OGDHL: variants seen among roughly 807,000 people sequenced by gnomAD.
The protein encoded by OGDHL is oxoglutarate dehydrogenase L, also known as 2-oxoglutarate dehydrogenase-like, mitochondrial.
A neutral mutation model predicts 109.6 loss-of-function variants in OGDHL; 79 were observed. That is an observed-to-expected ratio of 0.72 (90% confidence interval 0.60 to 0.87). The LOEUF is 0.87. OGDHL is among the 40% of genes least tolerant of loss of function. The pLI is 0.00. For missense variants in OGDHL, 1,275 were observed against 1,362.2 expected, an observed-to-expected ratio of 0.94 and a Z score of 1.01; for synonymous variants, 528 against 537.2, an observed-to-expected ratio of 0.98 and a Z score of 0.24.
intron 20 of OGDHL, among the ~76,000 whole-genome samples, chr10:49,737,456 T>G (rs1841281508): frequency 6.6e-6 from 1 of 152,170 alleles, no homozygotes; most frequent in Admixed American, 6.5e-5. Context: ...TCTGTTTGGC[T>G]CATGAATTTT....
chr10:49,736,071 T>C lies in OGDHL; in HGVS notation c.2861A>G (p.Tyr954Cys). 6.2e-7 allele frequency: 1 copy of C among 1,610,268 alleles called. No homozygotes were observed. The highest frequency in any genetic ancestry group is 8.5e-7 in the Non-Finnish European group (1 of 1,178,146). The change falls in exon 22 of 23, where the codon TAC becomes TGC. Residue 954 changes from tyrosine to cysteine, a missense_variant. Transcript: ENST00000374103. ...GATGGTCATGAAGCGTGGGCTGATGTAGTCATAGTAGCCCATGTTCTTGTG... is the reference window on the plus strand; with the variant it reads ...GATGGTCATGAAGCGTGGGCTGATGCAGTCATAGTAGCCCATGTTCTTGTG... ...EEHKNMGYYD[Y>C]ISPRFMTILR...
At chr10:49,736,682 G>A (rs978281335) in intron 20 of OGDHL, among the ~76,000 whole-genome samples, 162 bp from the exon 21 acceptor site, 1 of 152,176 alleles carries the variant, frequency 6.6e-6, no homozygotes, top group Non-Finnish European at 1.5e-5. Context: ...GATGGAGCAG[G>A]GGGCAGATGA....
chr10:49,753,197 A>T (rs574512790), intron 3 of OGDHL, among the ~76,000 whole-genome samples: 37 of 152,348 alleles, frequency 2.4e-4, no homozygotes, highest in African/African-American at 8.9e-4. Flanking sequence ...CAAAGTATGT[A>T]TGGTGAACTA....
chr10:49,745,268 T>G (rs1842090380), intron 12 of OGDHL, 76 bp downstream of exon 12: 4 of 1,557,298 alleles, frequency 2.6e-6, no homozygotes. Context: ...AGCACTGGGC[T>G]GGTAACATCT....
intron 1 of OGDHL, among the ~76,000 whole-genome samples, chr10:49,759,471 C>A (rs1017118425): frequency 6.6e-6 from 1 of 152,122 alleles, no homozygotes; most frequent in African/African-American, 2.4e-5. Flanking sequence ...ATATCTAAAT[C>A]TTGGGCTTTC....
At chr10:49,755,557 G>A (rs1842867385) in intron 3 of OGDHL, among the ~76,000 whole-genome samples, 1 of 152,126 alleles carries the variant, frequency 6.6e-6, no homozygotes, top group Non-Finnish European at 1.5e-5. Flanking sequence ...TAATAATACA[G>A]TGTTTTTTTT....
intron 6 of OGDHL, 67 bp from the exon 7 acceptor site, chr10:49,751,052 G>C (rs960085406): frequency 6.9e-7 from 1 of 1,445,370 alleles, no homozygotes; most frequent in Non-Finnish European, 9.4e-7. Flanking sequence ...GGGGCTCACA[G>C]GGGCTGTTCA....
intron 6 of OGDHL, 36 bp from the exon 7 acceptor site, chr10:49,751,021 G>A (rs1326200983): frequency 3.9e-6 from 6 of 1,542,272 alleles, no homozygotes; most frequent in Middle Eastern, 1.7e-4. Context: ...GAAAGGGAAA[G>A]GGATGGAGAG....
At chr10:49,760,043 C>T (rs1171192298) in intron 1 of OGDHL, among the ~76,000 whole-genome samples, 1 of 152,248 alleles carries the variant, frequency 6.6e-6, no homozygotes, top group African/African-American at 2.4e-5. Flanking sequence ...GGTCAGGCCC[C>T]ACCAGAGGGC....
intron 17 of OGDHL, chr10:49,738,620 A>C: frequency 6.5e-6 from 2 of 306,332 alleles, no homozygotes; most frequent in Non-Finnish European, 6.3e-6. Context: ...CTTATCGCTA[A>C]CCCCCAAAGT....
At chr10:49,747,989 G>A (rs769263673) in intron 8 of OGDHL, among the ~76,000 whole-genome samples, 6 of 152,102 alleles carry the variant, frequency 3.9e-5, no homozygotes, top group Non-Finnish European at 8.8e-5. Context: ...CTATTATATC[G>A]GCAAAGATGA....
At chr10:49,752,366 G>T in intron 4 of OGDHL, 118 bp from the exon 5 acceptor site, 1 of 801,766 alleles carries the variant, frequency 1.2e-6, no homozygotes. Flanking sequence ...CTCCCTCTGG[G>T]TCCAACCTGG....
intron 7 of OGDHL, 41 bp from the exon 8 acceptor site, chr10:49,749,857 C>A: frequency 6.5e-7 from 1 of 1,528,530 alleles, no homozygotes; most frequent in Non-Finnish European, 8.8e-7. Context: ...GCAAAGCCCG[C>A]AGGCCTCAGG....
intron 3 of OGDHL, among the ~76,000 whole-genome samples, chr10:49,754,601 T>C (rs965186710): frequency 6.6e-6 from 1 of 151,742 alleles, no homozygotes; most frequent in Admixed American, 6.6e-5. Flanking sequence ...AGTGAGTTAA[T>C]GGATCTAGGA....
At position 49,745,356 on chromosome 10, in the gene OGDHL, C is replaced by G; in HGVS notation, c.1617G>C (p.Leu539=). The G allele has an allele frequency of 6.2e-7, 1 of 1,613,850 alleles. No individual in the cohort carries two copies. The highest frequency in any genetic ancestry group is 8.5e-7 in the Non-Finnish European group (1 of 1,180,030). The change falls in exon 12 of 23, where the codon CTG becomes CTC. Residue 539 remains leucine, a synonymous_variant. Transcript: ENST00000374103. The part of the protein sequence containing the change: ...DKLIAEGTVT[L]QEFEEEIAKY... ...CCTGCCTGCCCACCTCAAACTCCTG[C>G]AGGGTGACTGTGCCCTCGGCAATCA... is the stretch of plus-strand genomic sequence containing the variant.
chr10:49,760,877 C>G (rs901024036), intron 1 of OGDHL, among the ~76,000 whole-genome samples: 1 of 152,246 alleles, frequency 6.6e-6, no homozygotes, highest in Non-Finnish European at 1.5e-5. Context: ...CCTCTGCCAG[C>G]GCCACTCCCA....
intron 4 of OGDHL, 41 bp downstream of exon 4, chr10:49,752,595 ACC>A: frequency 6.5e-7 from 1 of 1,548,944 alleles, no homozygotes; most frequent in Non-Finnish European, 8.9e-7. Flanking sequence ...TTACTGGGCC[ACC>A]CACACAGCAC....
chr10:49,749,278 G>A (rs1291481396), intron 8 of OGDHL, among the ~76,000 whole-genome samples: 3 of 152,150 alleles, frequency 2.0e-5, no homozygotes, highest in East Asian at 1.9e-4. Flanking sequence ...CCCAGGGAGG[G>A]GGTGGGAGCA....
intron 16 of OGDHL, 148 bp downstream of exon 16, chr10:49,740,562 A>T: frequency 1.0e-6 from 1 of 977,446 alleles, no homozygotes; most frequent in African/African-American, 1.7e-5. Context: ...AGGTGAGGGC[A>T]GCCCAATCAC....
Sources: gnomAD v4.1 joint callset for allele counts (sites outside exome capture counted in the v4.1 genomes callset) on GRCh38, gnomAD v4.1.1 for gene constraint, MANE v1.5 for transcripts, NCBI Gene and HGNC (gene_info 2026-07-23, HGNC 2026-07-21) for gene names.